UFL1: variants seen among roughly 807,000 people sequenced by gnomAD.
UFL1 encodes the protein UFM1 specific ligase 1, also known as E3 UFM1-protein ligase 1.
A neutral mutation model predicts 99.3 loss-of-function variants in UFL1; 78 were observed. The observed-to-expected ratio is 0.79, with a 90% CI of 0.65 to 0.95. The LOEUF (loss-of-function observed/expected upper bound fraction) is 0.95. UFL1 is among the 40% of genes least tolerant of loss of function. UFL1 has a pLI of 0.00. For missense variants in UFL1, 936 were observed against 937.0 expected, an observed-to-expected ratio of 1.00 and a Z score of 0.01; for synonymous variants, 335 against 322.2, an observed-to-expected ratio of 1.04 and a Z score of -0.42.
chr6:96,543,162 T>C, intron 12 of UFL1, 146 bp downstream of exon 12: 1 of 855,396 alleles, frequency 1.2e-6, no homozygotes, highest in Non-Finnish European at 1.7e-6. Flanking sequence ...GTTACCACAC[T>C]TTAGTTAAAT....
chr6:96,527,360 C>T (rs1177705506), intron 5 of UFL1, among the ~76,000 whole-genome samples: 1 of 152,034 alleles, frequency 6.6e-6, no homozygotes, highest in African/African-American at 2.4e-5. Flanking sequence ...TATCTTAACA[C>T]AATGGAGAAA....
intron 4 of UFL1, among the ~76,000 whole-genome samples, chr6:96,525,693 A>AG (rs1221103306): frequency 6.6e-6 from 1 of 152,028 alleles, no homozygotes; most frequent in East Asian, 1.9e-4. Flanking sequence ...AAAAAAAAAA[A>AG]AAAAATTCAG....
At chr6:96,538,459 C>A (rs1360401851) in intron 9 of UFL1, among the ~76,000 whole-genome samples, 172 bp from the exon 10 acceptor site, 1 of 151,502 alleles carries the variant, frequency 6.6e-6, no homozygotes, top group Non-Finnish European at 1.5e-5. Flanking sequence ...TTTCAGAGCT[C>A]AGAGTGGTGA....
intron 11 of UFL1, among the ~76,000 whole-genome samples, chr6:96,541,141 T>G (rs1437670803): frequency 1.3e-5 from 2 of 151,432 alleles, no homozygotes; most frequent in Non-Finnish European, 3.0e-5. Context: ...GTAGCCACAG[T>G]CACTCTCTGC....
At chr6:96,525,760 A>G (rs1030626032) in intron 4 of UFL1, among the ~76,000 whole-genome samples, 1 of 152,104 alleles carries the variant, frequency 6.6e-6, no homozygotes, top group Non-Finnish European at 1.5e-5. Flanking sequence ...TCTTAATAAG[A>G]AAACGTAAAA....
At chr6:96,538,581 C>A in intron 9 of UFL1, 50 bp from the exon 10 acceptor site, 1 of 1,549,102 alleles carries the variant, frequency 6.5e-7, no homozygotes, top group Non-Finnish European at 8.8e-7. Flanking sequence ...AATGGTTTCA[C>A]TGTATTATAT....
Position 96,553,347 on chromosome 6 carries a change from T to A in UFL1, c.2229T>A (p.Ser743Arg). The A allele has an allele frequency of 6.2e-7, 1 of 1,613,800 alleles. No individual in the cohort carries two copies. The highest frequency in any genetic ancestry group is 8.5e-7 in the Non-Finnish European group (1 of 1,179,808). The change falls in exon 19 of 19, where the codon AGT (serine) becomes AGA (arginine). Residue 743 changes from serine (S) to arginine (R), a missense_variant. Physicochemically the swap from Ser to Arg is moderately radical, Grantham distance 110. Coordinates refer to ENST00000369278, the MANE Select transcript of UFL1 (RefSeq NM_015323.5). ...TTGTAAAGCAGCTAGTCAGTCAAAG[T>A]AAGAAGACTGGGCAGGGAGATTATC... ...GLVVKQLVSQ[S>R]KKTGQGDYPL...
chr6:96,551,995 G>T (rs1770088213), intron 17 of UFL1, 72 bp downstream of exon 17: 2 of 1,075,648 alleles, frequency 1.9e-6, no homozygotes, highest in East Asian at 2.4e-5. Context: ...ATTTGAATTT[G>T]ACTGCCCGGC....
rs770549387 is a variant in UFL1, at chr6:96,548,239, C to T, written c.1478C>T (p.Ala493Val). ...EDFLRKHIQD[A>V]PEEFISELAE... ...TTTTTAAGAAAACACATACAAGATG[C>T]CCCTGAGGAGTTTATTTCGGAACTT... Residue 493 changes from alanine (A) to valine (V), a missense_variant, in exon 13 of 19, where the codon GCC becomes GTC. Coordinates refer to ENST00000369278, the MANE Select transcript of UFL1 (RefSeq NM_015323.5). The T allele has an allele frequency of 1.2e-6, 2 of 1,605,242 alleles. No homozygotes were observed. The highest frequency in any genetic ancestry group is 1.7e-5 in the Admixed American group (1 of 58,538).
At chr6:96,544,129 T>C (rs1211471263) in intron 12 of UFL1, among the ~76,000 whole-genome samples, 3 of 150,998 alleles carry the variant, frequency 2.0e-5, no homozygotes, top group Admixed American at 6.6e-5. Context: ...TTTTGAAAAG[T>C]AGACTTGCAA....
In UFL1 at chr6:96,525,296, G is replaced by A. The variant is rs1769682791; in HGVS notation, c.253-1G>A. On this transcript the variant is annotated splice_acceptor_variant, in intron 3 of 18. Transcript: ENST00000369278. LOFTEE classifies it high-confidence loss of function. ...TAATAGATTTTGTATTTGTTTTCCA[G>A]GTAATTAATGTGGACCTGATTCATA... The A allele has an allele frequency of 6.3e-7, 1 of 1,576,902 alleles. No homozygotes were observed. The highest frequency in any genetic ancestry group is 1.2e-5 in the South Asian group (1 of 86,610).
At chr6:96,545,933 T>C (rs577473193) in intron 12 of UFL1, among the ~76,000 whole-genome samples, 23 of 150,862 alleles carry the variant, frequency 1.5e-4, no homozygotes, top group East Asian at 1.2e-3. Flanking sequence ...TGGAGAAAAA[T>C]TGATAGAGCC....
rs146634143 is a variant in UFL1 at position 96,545,869 on chromosome 6, C to G, written c.1403-2295C>G. Among the ~76,000 whole-genome samples the G allele has an allele frequency of 7.9e-5, 12 of 151,148 alleles. No individual in the cohort carries two copies. The East Asian group carries it at 2.3e-3, about 29-fold the overall frequency. The stretch of plus-strand genomic sequence containing the variant: ...GAAAACTAGGCATCAAAGGAACATA[C>G]CTCAAAATAATAAGAGCTACTTAAC... On this transcript the variant is annotated intron_variant, in intron 12 of 18. Transcript: ENST00000369278.
rs1582448728 is a variant in UFL1 at position 96,554,502 on chromosome 6, T to C, written c.*999T>C. ...ATTAGTTAAAAATAACTAAAAGAGT[T>C]CCTTAGAGTAATCATTTCAACCAAA... On this transcript the variant is annotated 3_prime_UTR_variant, in exon 19 of 19. Coordinates refer to ENST00000369278, the MANE Select transcript of UFL1 (RefSeq NM_015323.5). 2 of 152,080 alleles carry C rather than the reference T, an allele frequency of 1.3e-5. No homozygotes were observed. Among genetic ancestry groups the C allele is most frequent in the East Asian group, 3.9e-4 (2 of 5,188 alleles). 9.4% of individuals were successfully genotyped at this position (152,080 alleles called of 1,614,324 possible).
At chr6:96,546,268 A>G (rs894023982) in intron 12 of UFL1, among the ~76,000 whole-genome samples, 2 of 147,352 alleles carry the variant, frequency 1.4e-5, no homozygotes, top group African/African-American at 5.0e-5. Flanking sequence ...CTTATTTTTA[A>G]TAGCTACAAA....
intron 6 of UFL1, among the ~76,000 whole-genome samples, chr6:96,530,645 G>T (rs1769770066): frequency 6.6e-6 from 1 of 152,078 alleles, no homozygotes; most frequent in Non-Finnish European, 1.5e-5. Flanking sequence ...TTAGCTAGTG[G>T]TAGCGCCTGC....
At chr6:96,539,740 A>C (rs1246933193) in intron 10 of UFL1, among the ~76,000 whole-genome samples, 1 of 151,434 alleles carries the variant, frequency 6.6e-6, no homozygotes, top group African/African-American at 2.4e-5. Context: ...TTAGTAAATG[A>C]CTCTTACTTT....
Position 96,554,254 on chromosome 6 carries a change from T to G in UFL1, c.*751T>G, listed in dbSNP as rs947939569. 1.3e-5 allele frequency: 2 copies of G among 152,172 alleles called. No homozygotes were observed. Among genetic ancestry groups the G allele is most frequent in the South Asian group, 4.1e-4 (2 of 4,830 alleles). The allele number at this position is 152,172 out of a possible 1,614,324, so 9.4% of individuals were successfully genotyped here. A position where few individuals can be genotyped will look rare whatever the true frequency, so the allele number is the denominator to read the frequency against. The stretch of plus-strand genomic sequence containing the variant: ...TATTTAACATTGGAATAACTAAGCA[T>G]TTTATACAAAGATTTTTCTTTGACC... On this transcript the variant is annotated 3_prime_UTR_variant, in exon 19 of 19. Coordinates refer to ENST00000369278, the MANE Select transcript of UFL1 (RefSeq NM_015323.5).
At chr6:96,526,937 G>C (rs1318174191) in intron 5 of UFL1, among the ~76,000 whole-genome samples, 1 of 152,076 alleles carries the variant, frequency 6.6e-6, no homozygotes, top group Non-Finnish European at 1.5e-5. Flanking sequence ...GAATTTTTTT[G>C]TTCCAACTGT....
Sources: allele counts gnomAD v4.1 joint callset (sites outside exome capture counted in the v4.1 genomes callset), GRCh38; gene constraint gnomAD v4.1.1; transcripts MANE v1.5; gene names NCBI Gene and HGNC (gene_info 2026-07-23, HGNC 2026-07-21).